GSK3B: variants seen among roughly 807,000 people sequenced by gnomAD.
GSK3B encodes the protein glycogen synthase kinase-3 beta.
GSK3B carries 15 observed loss-of-function variants against 56.4 expected under a neutral mutation model. That is an observed-to-expected ratio of 0.27 (90% CI 0.18 to 0.41). The LOEUF is 0.41. GSK3B is among the 10% of genes least tolerant of loss of function. GSK3B has a pLI of 1.00. For synonymous variants in GSK3B, 181 were observed against 188.9 expected (o/e 0.96, Z 0.34); for missense variants, 300 against 513.4 (o/e 0.58, Z 4.02).
intron 1 of GSK3B, among the ~76,000 whole-genome samples, chr3:120,077,771 T>C (rs1413964790): frequency 1.3e-5 from 2 of 152,150 alleles, no homozygotes; most frequent in South Asian, 2.1e-4. Context: ...TAAATATACA[T>C]AGTAACATTT....
chr3:119,941,958 C>T (rs956091908), intron 3 of GSK3B, among the ~76,000 whole-genome samples: 1 of 152,214 alleles, frequency 6.6e-6, no homozygotes, highest in Admixed American at 6.5e-5. Flanking sequence ...ACCCTTTCCT[C>T]TCCAGAGCTA....
intron 2 of GSK3B, among the ~76,000 whole-genome samples, chr3:119,960,151 CAAAAAAA>C (rs574956694): frequency 1.3e-5 from 1 of 74,642 alleles, no homozygotes; most frequent in Non-Finnish European, 2.5e-5. Context: ...TATGCTGAGA[CAAAAAAA>C]AAAAAAAAAA....
intron 2 of GSK3B, among the ~76,000 whole-genome samples, chr3:119,980,325 C>T (rs2057447950): frequency 6.6e-6 from 1 of 152,052 alleles, no homozygotes; most frequent in Non-Finnish European, 1.5e-5. Flanking sequence ...GCAAAACTAA[C>T]TCAGCCCAAA....
Position 119,948,677 on chromosome 3 carries a change from G to C in GSK3B, c.283-1326C>G, listed in dbSNP as rs190813509. Among the ~76,000 whole-genome samples, 8 of 152,162 alleles carry C rather than the reference G, an allele frequency of 5.3e-5. No homozygotes were observed. In the East Asian group the frequency reaches 1.4e-3, roughly 26 times the overall value. On this transcript the variant is annotated intron_variant, in intron 2 of 10. Coordinates refer to ENST00000264235, the MANE Select transcript of GSK3B (RefSeq NM_001146156.2). Reference sequence around the variant, plus strand: ...TCCATTCCAAATTGAAGCTATTTCTGGAAGTATTTCTATACTTTGTTTTTT... The same window carrying C: ...TCCATTCCAAATTGAAGCTATTTCTCGAAGTATTTCTATACTTTGTTTTTT...
intron 9 of GSK3B, among the ~76,000 whole-genome samples, chr3:119,854,923 G>A (rs1171466613): frequency 6.6e-6 from 1 of 152,116 alleles, no homozygotes; most frequent in Non-Finnish European, 1.5e-5. Context: ...ATCTCCTTCA[G>A]TTCTGCTCTG....
intron 10 of GSK3B, among the ~76,000 whole-genome samples, chr3:119,837,303 C>T (rs2055705905): frequency 6.7e-6 from 1 of 150,206 alleles, no homozygotes; most frequent in African/African-American, 2.4e-5. Flanking sequence ...TATAGGCACC[C>T]GCTACTACGC....
At chr3:120,018,833 G>A (rs1024053116) in intron 1 of GSK3B, among the ~76,000 whole-genome samples, 7 of 152,122 alleles carry the variant, frequency 4.6e-5, no homozygotes, top group African/African-American at 1.7e-4. Flanking sequence ...AGAAATTCCC[G>A]AGGCAAATCA....
At chr3:119,866,880 A>C (rs1480294830) in intron 8 of GSK3B, among the ~76,000 whole-genome samples, 1 of 152,204 alleles carries the variant, frequency 6.6e-6, no homozygotes, top group Non-Finnish European at 1.5e-5. Flanking sequence ...ACAGTAAAGA[A>C]ACATTTTAAT....
At chr3:119,883,638 T>C (rs2056402660) in intron 7 of GSK3B, among the ~76,000 whole-genome samples, 1 of 152,172 alleles carries the variant, frequency 6.6e-6, no homozygotes, top group African/African-American at 2.4e-5. Flanking sequence ...GTTTGGCCCC[T>C]GGACCCTACT....
intron 1 of GSK3B, among the ~76,000 whole-genome samples, chr3:120,088,799 A>C (rs1316637106): frequency 6.6e-6 from 1 of 152,204 alleles, no homozygotes; most frequent in African/African-American, 2.4e-5. Context: ...CTGCCCCTCC[A>C]TTCTCCATTA....
chr3:119,864,777 A>AT (rs2056155259), intron 8 of GSK3B, among the ~76,000 whole-genome samples: 1 of 152,236 alleles, frequency 6.6e-6, no homozygotes, highest in South Asian at 2.1e-4. Flanking sequence ...TCCAGAGATT[A>AT]TTTATGAGTG....
chr3:120,039,607 C>T (rs2058049514), intron 1 of GSK3B, among the ~76,000 whole-genome samples: 1 of 152,210 alleles, frequency 6.6e-6, no homozygotes, highest in Non-Finnish European at 1.5e-5. Context: ...CCCTTCGAAA[C>T]CACACATCCC....
At chr3:119,888,038 C>T (rs1407283642) in intron 7 of GSK3B, among the ~76,000 whole-genome samples, 1 of 152,028 alleles carries the variant, frequency 6.6e-6, no homozygotes, top group Non-Finnish European at 1.5e-5. Context: ...TTTAGGCAAA[C>T]AAAAGCTAAC....
intron 9 of GSK3B, among the ~76,000 whole-genome samples, chr3:119,844,325 A>G (rs1162117410): frequency 6.6e-6 from 1 of 151,934 alleles, no homozygotes; most frequent in Non-Finnish European, 1.5e-5. Context: ...AATAACTAAG[A>G]TCAGAGCAGA....
At chr3:119,903,271 A>G (rs1201514441) in intron 7 of GSK3B, among the ~76,000 whole-genome samples, 1 of 152,164 alleles carries the variant, frequency 6.6e-6, no homozygotes, top group Admixed American at 6.5e-5. Context: ...ATATCCCAAA[A>G]TGCCCTGGAT....
At chr3:119,871,302 T>C (rs1577328537) in intron 8 of GSK3B, among the ~76,000 whole-genome samples, 1 of 152,322 alleles carries the variant, frequency 6.6e-6, no homozygotes, top group East Asian at 1.9e-4. Context: ...GACAGTGTTT[T>C]AGGAAATCAA....
chr3:120,029,357 T>C, intron 1 of GSK3B: 1 of 755,922 alleles, frequency 1.3e-6, no homozygotes, highest in Non-Finnish European at 2.4e-6. Flanking sequence ...CCCTTTCTTT[T>C]CCAATGTTGC....
At chr3:120,062,655 A>G (rs994566025) in intron 1 of GSK3B, among the ~76,000 whole-genome samples, 2 of 152,224 alleles carry the variant, frequency 1.3e-5, no homozygotes, top group Non-Finnish European at 2.9e-5. Context: ...GAGAATGGGA[A>G]GAATGAGGAG....
chr3:120,020,716 T>G (rs537071438), intron 1 of GSK3B, among the ~76,000 whole-genome samples: 27 of 152,158 alleles, frequency 1.8e-4, no homozygotes, highest in Non-Finnish European at 3.8e-4. Context: ...GTCACCTATC[T>G]CTCACTTTAA....
Sources: gnomAD v4.1 joint callset for allele counts (sites outside exome capture counted in the v4.1 genomes callset) on GRCh38, gnomAD v4.1.1 for gene constraint, MANE v1.5 for transcripts, NCBI Gene and HGNC (gene_info 2026-07-23, HGNC 2026-07-21) for gene names.